The following DPYD variants were observed in gnomAD, a reference collection of about 807,000 sequenced individuals.
DPYD encodes dihydropyrimidine dehydrogenase.
Under a neutral mutation model 116.2 loss-of-function variants are expected in DPYD, and 109 were observed. The ratio of observed to expected loss-of-function variants is 0.94; its 90% CI spans 0.80 to 1.10. DPYD has a LOEUF of 1.10. Among genes scored for constraint, DPYD ranks in the 50% least tolerant of loss-of-function variants. DPYD has a pLI of 0.00. For synonymous variants in DPYD, 440 were observed against 432.0 expected (o/e 1.02, Z -0.23); for missense variants, 1,302 against 1,254.5 (o/e 1.04, Z -0.57).
chr1:97,345,868 T>C (rs1669815564), intron 16 of DPYD, among the ~76,000 whole-genome samples: 1 of 151,912 alleles, frequency 6.6e-6, no homozygotes, highest in Admixed American at 6.6e-5. Context: ...ACAAACAATA[T>C]TTACACTTGG....
intron 1 of DPYD, among the ~76,000 whole-genome samples, chr1:97,888,008 T>C (rs1257789712): frequency 6.6e-6 from 1 of 152,040 alleles, no homozygotes; most frequent in Non-Finnish European, 1.5e-5. Flanking sequence ...TGTGAGTCAG[T>C]TAAACCACTT....
chr1:97,343,441 T>C (rs968970868), intron 16 of DPYD, among the ~76,000 whole-genome samples: 1 of 152,106 alleles, frequency 6.6e-6, no homozygotes, highest in Admixed American at 6.6e-5. Flanking sequence ...CTAAAAGTAA[T>C]ATTTAAAATA....
At chr1:97,667,778 G>A (rs1230194732) in intron 8 of DPYD, among the ~76,000 whole-genome samples, 1 of 152,062 alleles carries the variant, frequency 6.6e-6, no homozygotes, top group Non-Finnish European at 1.5e-5. Context: ...GTTTGTGGGA[G>A]CATTATTCCC....
chr1:97,354,913 A>G (rs1670346687), intron 16 of DPYD, among the ~76,000 whole-genome samples: 1 of 152,174 alleles, frequency 6.6e-6, no homozygotes, highest in Non-Finnish European at 1.5e-5. Flanking sequence ...TCACTCTACC[A>G]TCAGTTTCTT....
chr1:97,348,011 G>T (rs1422984358), intron 16 of DPYD, among the ~76,000 whole-genome samples: 3 of 152,094 alleles, frequency 2.0e-5, no homozygotes, highest in Non-Finnish European at 4.4e-5. Context: ...ATGGAAATTA[G>T]GAATCTTTTT....
chr1:97,748,319 T>A (rs999972989), intron 3 of DPYD, among the ~76,000 whole-genome samples: 7 of 151,728 alleles, frequency 4.6e-5, no homozygotes, highest in Non-Finnish European at 1.0e-4. Flanking sequence ...GGACAAAGAG[T>A]ATAATTTGGC....
intron 14 of DPYD, among the ~76,000 whole-genome samples, chr1:97,406,963 A>C (rs1673692783): frequency 6.6e-6 from 1 of 152,190 alleles, no homozygotes; most frequent in South Asian, 2.1e-4. Context: ...GTCATGATAT[A>C]GTACCTGCAA....
intron 18 of DPYD, among the ~76,000 whole-genome samples, chr1:97,276,898 CAT>C (rs1664967392): frequency 6.6e-6 from 1 of 152,154 alleles, no homozygotes; most frequent in Admixed American, 6.6e-5. Flanking sequence ...CAAAAAGACA[CAT>C]GTGCTTGTAT....
intron 13 of DPYD, among the ~76,000 whole-genome samples, chr1:97,459,099 G>T (rs1676869420): frequency 6.6e-6 from 1 of 151,932 alleles, no homozygotes. Context: ...AGACTTGAAT[G>T]TATAAATAAT....
At chr1:97,715,713 T>C (rs762681029) in intron 5 of DPYD, among the ~76,000 whole-genome samples, 2 of 152,114 alleles carry the variant, frequency 1.3e-5, no homozygotes, top group Non-Finnish European at 2.9e-5. Context: ...AGCTAGAGTA[T>C]TTCCAACCTC....
intron 13 of DPYD, among the ~76,000 whole-genome samples, chr1:97,470,952 T>C (rs1476073713): frequency 6.6e-6 from 1 of 151,850 alleles, no homozygotes; most frequent in African/African-American, 2.4e-5. Flanking sequence ...ATCGCATCAC[T>C]GCACTCCAGC....
chr1:97,128,158 C>T (rs995282455), intron 20 of DPYD, among the ~76,000 whole-genome samples: 3 of 152,108 alleles, frequency 2.0e-5, no homozygotes, highest in Non-Finnish European at 4.4e-5. Context: ...AAAAAGGATG[C>T]CTGCAGAAAA....
chr1:97,783,743 T>G (rs1404973879), intron 3 of DPYD, among the ~76,000 whole-genome samples: 1 of 152,160 alleles, frequency 6.6e-6, no homozygotes, highest in Non-Finnish European at 1.5e-5. Flanking sequence ...CCAGAGGTCA[T>G]GAAACTGGAA....
intron 18 of DPYD, among the ~76,000 whole-genome samples, chr1:97,246,114 T>C (rs1662700512): frequency 6.6e-6 from 1 of 152,152 alleles, no homozygotes; most frequent in Non-Finnish European, 1.5e-5. Context: ...ACTCTAAAAC[T>C]GACCAGGCAC....
At chr1:97,124,803 T>C (rs1652711448) in intron 20 of DPYD, among the ~76,000 whole-genome samples, 1 of 152,168 alleles carries the variant, frequency 6.6e-6, no homozygotes, top group Admixed American at 6.6e-5. Context: ...ATAGTGATTT[T>C]CTGGATTACC....
At chr1:97,713,717 C>G (rs895357917) in intron 5 of DPYD, among the ~76,000 whole-genome samples, 1 of 152,058 alleles carries the variant, frequency 6.6e-6, no homozygotes, top group Non-Finnish European at 1.5e-5. Context: ...AAATATTTAT[C>G]TTATTAGTGC....
chr1:97,138,560 T>C (rs902587683), intron 20 of DPYD, among the ~76,000 whole-genome samples: 6 of 152,136 alleles, frequency 3.9e-5, no homozygotes, highest in Admixed American at 3.3e-4. Flanking sequence ...AGCAGTTGTG[T>C]TGTGGGCTGC....
At chr1:97,698,224 T>C (rs1160363056) in intron 6 of DPYD, among the ~76,000 whole-genome samples, 1 of 151,872 alleles carries the variant, frequency 6.6e-6, no homozygotes, top group Admixed American at 6.6e-5. Context: ...CTAAAGGGTC[T>C]TCCTAAAATG....
chr1:97,150,971 A>T (rs1654969763), intron 20 of DPYD, among the ~76,000 whole-genome samples: 1 of 152,200 alleles, frequency 6.6e-6, no homozygotes. Flanking sequence ...CAGAAGTGTA[A>T]TTACTAGCTT....
Sources: allele counts gnomAD v4.1 joint callset (sites outside exome capture counted in the v4.1 genomes callset), GRCh38; gene constraint gnomAD v4.1.1; transcripts MANE v1.5; gene names NCBI Gene and HGNC (gene_info 2026-07-23, HGNC 2026-07-21).